The following ATP2B1 variants were observed in gnomAD, a reference collection of about 807,000 sequenced individuals.
The protein encoded by ATP2B1 is ATPase plasma membrane Ca2+ transporting 1.
ATP2B1 carries 14 observed loss-of-function variants against 124.2 expected under a neutral mutation model. The observed-to-expected ratio is 0.11, with a 90% CI of 0.07 to 0.18. The LOEUF (loss-of-function observed/expected upper bound fraction) is 0.18, where lower values mean the gene tolerates loss of function less well. ATP2B1 is among the 10% of genes least tolerant of loss of function. ATP2B1 has a pLI of 1.00. For synonymous variants in ATP2B1, 449 were observed against 492.4 expected (o/e 0.91, Z 1.17); for missense variants, 763 against 1,466.1 (o/e 0.52, Z 7.83).
At chr12:89,669,444 C>A (rs1887683701) in intron 1 of ATP2B1, among the ~76,000 whole-genome samples, 1 of 152,142 alleles carries the variant, frequency 6.6e-6, no homozygotes, top group African/African-American at 2.4e-5. Flanking sequence ...TAAATCATAA[C>A]TAGGATGATG....
chr12:89,612,411 A>C (rs761029923), intron 12 of ATP2B1, among the ~76,000 whole-genome samples: 20 of 152,138 alleles, frequency 1.3e-4, no homozygotes, highest in Non-Finnish European at 2.8e-4. Context: ...CGGAGGTAAC[A>C]TACATGAAGA....
At position 89,603,533 on chromosome 12, in the gene ATP2B1, T is replaced by C; in HGVS notation, c.2848+179A>G. 2.9e-6 allele frequency: 2 copies of C among 678,678 alleles called. 1 individual carries two copies. The highest frequency in any genetic ancestry group is 3.9e-5 in the South Asian group (2 of 50,886). The allele number at this position is 678,678 out of a possible 1,614,324, so 42.0% of individuals were successfully genotyped here. ...GTTTATTCTCCTGTTTATTCTACTA[T>C]CTAGCTTATTGTCCTCCCAAATTTA... On this transcript the variant is annotated intron_variant, in intron 17 of 20. Transcript: ENST00000428670. This position sits in a 1 kb window ranked among gnomAD's most constrained non-coding sequence, Gnocchi z 4.3.
intron 10 of ATP2B1, among the ~76,000 whole-genome samples, chr12:89,620,920 G>C (rs1879854353): frequency 6.6e-6 from 1 of 152,116 alleles, no homozygotes; most frequent in African/African-American, 2.4e-5. Context: ...CTAATGAACA[G>C]CTTGCAATAT....
intron 1 of ATP2B1, among the ~76,000 whole-genome samples, chr12:89,662,428 C>G (rs923028955): frequency 6.6e-6 from 1 of 152,224 alleles, no homozygotes; most frequent in Admixed American, 6.5e-5. Context: ...GTTTATTCTA[C>G]AAAGTTTTGG....
At chr12:89,706,818 T>C (rs1260173222) in intron 1 of ATP2B1, among the ~76,000 whole-genome samples, 5 of 152,204 alleles carry the variant, frequency 3.3e-5, no homozygotes, top group Non-Finnish European at 7.3e-5. Flanking sequence ...TGACTCACTT[T>C]TGCAGACTAT....
intron 1 of ATP2B1, among the ~76,000 whole-genome samples, chr12:89,694,190 T>C (rs763102360): frequency 6.6e-6 from 1 of 152,210 alleles, no homozygotes; most frequent in Non-Finnish European, 1.5e-5. Flanking sequence ...TACATATATA[T>C]AGAGAAAGAT....
At chr12:89,598,309 T>C (rs775249380) in intron 20 of ATP2B1, among the ~76,000 whole-genome samples, 4 of 152,186 alleles carry the variant, frequency 2.6e-5, no homozygotes, top group Admixed American at 2.6e-4. Flanking sequence ...TTTCACAAGT[T>C]CTAAGCTACA....
At chr12:89,631,177 T>C (rs1278209181) in intron 5 of ATP2B1, among the ~76,000 whole-genome samples, 4 of 152,194 alleles carry the variant, frequency 2.6e-5, no homozygotes, top group African/African-American at 9.7e-5. Context: ...TACTACTCAC[T>C]TACCATGTAA....
intron 2 of ATP2B1, among the ~76,000 whole-genome samples, chr12:89,655,353 T>C (rs972076792): frequency 2.6e-5 from 4 of 152,098 alleles, no homozygotes; most frequent in African/African-American, 9.7e-5. Context: ...TTCCACCAAA[T>C]CCCTGGGAGG....
At chr12:89,626,897 T>C (rs532532415) in intron 7 of ATP2B1, among the ~76,000 whole-genome samples, 1 of 152,336 alleles carries the variant, frequency 6.6e-6, no homozygotes, top group African/African-American at 2.4e-5. Flanking sequence ...TCTTTTCCTG[T>C]GTGTTATGTT....
chr12:89,598,418 T>G (rs768093908), intron 20 of ATP2B1, among the ~76,000 whole-genome samples: 2 of 152,180 alleles, frequency 1.3e-5, no homozygotes, highest in Admixed American at 6.5e-5. Flanking sequence ...TATCTAGCCC[T>G]CTAAGAAATA....
intron 1 of ATP2B1, among the ~76,000 whole-genome samples, chr12:89,661,387 T>A (rs1886679464): frequency 6.6e-6 from 1 of 152,178 alleles, no homozygotes; most frequent in Non-Finnish European, 1.5e-5. Context: ...ATTTAACAGC[T>A]AAAGGGATGT....
chr12:89,672,765 T>A (rs1385214693), intron 1 of ATP2B1, among the ~76,000 whole-genome samples: 1 of 152,186 alleles, frequency 6.6e-6, no homozygotes, highest in African/African-American at 2.4e-5. Context: ...CTCAAACTTA[T>A]GACTATAGAT....
At chr12:89,601,728 T>A (rs1044535805) in intron 18 of ATP2B1, among the ~76,000 whole-genome samples, 4 of 152,186 alleles carry the variant, frequency 2.6e-5, no homozygotes, top group African/African-American at 9.6e-5. Context: ...AAAGTAAAAT[T>A]CTTATGACCA....
Position 89,611,220 on chromosome 12 carries a change from G to A in ATP2B1, c.2220C>T (p.Asn740=). The A allele has an allele frequency of 6.3e-7, 1 of 1,593,072 alleles. No homozygotes were observed. The highest frequency in any genetic ancestry group is 1.7e-4 in the Middle Eastern group (1 of 5,950). ...DFLCLEGKDF[N]RRIRNEKGEI... is the part of the protein sequence containing the mutation. ...CTCCTTTTTCATTTCGTATTCTTCT[G>A]TTAAAATCTTTACCTTCTAGGCACA... Residue 740 remains asparagine (N), a synonymous_variant, in exon 13 of 21, where the codon AAC becomes AAT. Coordinates refer to ENST00000428670, the MANE Select transcript of ATP2B1 (RefSeq NM_001366521.1).
intron 1 of ATP2B1, among the ~76,000 whole-genome samples, chr12:89,695,044 G>A (rs1890972979): frequency 1.0e-5 from 1 of 97,224 alleles, no homozygotes; most frequent in Non-Finnish European, 2.2e-5. Context: ...GGCGACAAGA[G>A]CAAGATGCTG....
chr12:89,680,833 C>A (rs1361568209), intron 1 of ATP2B1, among the ~76,000 whole-genome samples: 3 of 151,900 alleles, frequency 2.0e-5, no homozygotes, highest in African/African-American at 4.8e-5. Flanking sequence ...AGCATCCGAA[C>A]AAAAAAACAA....
At position 89,612,178 on chromosome 12, in the gene ATP2B1, GTTTT is replaced by G. The variant is rs1163377390; in HGVS notation, c.2068-810_2068-807del. ...AACATATGATATACTTGATGGTAGAGTTTTTTATTTTTTAAGCAGAAATACACTT... is the reference window on the plus strand; with the variant it reads ...AACATATGATATACTTGATGGTAGAGTTATTTTTTAAGCAGAAATACACTT... On this transcript the variant is annotated intron_variant, in intron 12 of 20. Coordinates refer to ENST00000428670, the MANE Select transcript of ATP2B1 (RefSeq NM_001366521.1). 5 of 152,224 alleles carry G rather than the reference GTTTT, an allele frequency of 3.3e-5. No individual in the cohort carries two copies. The East Asian group carries it at 9.7e-4, about 29-fold the overall frequency. 9.4% of individuals were successfully genotyped at this position (152,224 alleles called of 1,614,324 possible). A position where few individuals can be genotyped will look rare whatever the true frequency, so the allele number is the denominator to read the frequency against.
chr12:89,697,670 CT>C (rs56837729), intron 1 of ATP2B1, among the ~76,000 whole-genome samples: 1,661 of 131,264 alleles, frequency 0.013, 18 homozygotes, highest in African/African-American at 0.043. Flanking sequence ...ATCCAAAAGG[CT>C]TTTTTTTTTT....
Sources: allele counts gnomAD v4.1 joint callset (sites outside exome capture counted in the v4.1 genomes callset), GRCh38; gene constraint gnomAD v4.1.1; non-coding constraint Gnocchi (gnomAD v3.1); transcripts MANE v1.5; gene names NCBI Gene and HGNC (gene_info 2026-07-23, HGNC 2026-07-21).